ITGA11: variants seen among roughly 807,000 people sequenced by gnomAD.
ITGA11 encodes the protein integrin subunit alpha 11.
ITGA11 carries 97 observed loss-of-function variants against 141.9 expected under a neutral mutation model. That is an observed-to-expected ratio of 0.68 (90% CI 0.58 to 0.81). The LOEUF is 0.81. Among genes scored for constraint, ITGA11 ranks in the 30% least tolerant of loss-of-function variants. The probability of loss-of-function intolerance (pLI) is 0.00; values close to 1 mark genes in which losing one functional copy is unlikely to be tolerated. For synonymous variants in ITGA11, 658 were observed against 624.6 expected (o/e 1.05, Z -0.80); for missense variants, 1,387 against 1,559.2 (o/e 0.89, Z 1.86).
Position 68,325,008 on chromosome 15 carries a change from G to A in ITGA11, c.2322+123C>T. On this transcript the variant is annotated intron_variant, in intron 18 of 29. Coordinates refer to ENST00000315757, the MANE Select transcript of ITGA11 (RefSeq NM_001004439.2). This position sits in a 1 kb window ranked among gnomAD's most constrained non-coding sequence, Gnocchi z 5.5. ...CTGTGGGTTTGCCAGGACAGGAGGT[G>A]GGAAGGTGAGATGAGGGATGGTGTC... is the stretch of plus-strand genomic sequence containing the variant. 1 of 727,746 alleles carries A rather than the reference G, an allele frequency of 1.4e-6. No individual in the cohort carries two copies. Among genetic ancestry groups the A allele is most frequent in the East Asian group, 2.6e-5 (1 of 38,126 alleles). The allele number at this position is 727,746 out of a possible 1,614,324, so 45.1% of individuals were successfully genotyped here.
At chr15:68,347,660 T>G (rs1442399372) in intron 10 of ITGA11, among the ~76,000 whole-genome samples, 1 of 152,170 alleles carries the variant, frequency 6.6e-6, no homozygotes. Context: ...ACGGAGCAGC[T>G]GCTTGGTGTA....
intron 26 of ITGA11, among the ~76,000 whole-genome samples, chr15:68,310,275 T>TAA (rs1893338753): frequency 6.6e-6 from 1 of 152,122 alleles, no homozygotes; most frequent in East Asian, 1.9e-4. Context: ...AATTAGAATT[T>TAA]ATTAGGTGAA....
rs1897006965 is a variant in ITGA11, at chr15:68,421,019, C to A, written c.52+10996G>T. Among the ~76,000 whole-genome samples the A allele has an allele frequency of 2.2e-4, 2 of 8,972 alleles. 1 individual carries two copies. The highest frequency in any genetic ancestry group is 4.7e-4 in the Non-Finnish European group (2 of 4,280). The allele number at this position is 8,972 out of a possible 152,430, so 5.9% of individuals were successfully genotyped here. A position where few individuals can be genotyped will look rare whatever the true frequency, so the allele number is the denominator to read the frequency against. ...AGTAAACTGCCTGAGGTTTGGTGGG[C>A]AGGATGCCGGAGTGTGTGCTGTGAG... is the stretch of plus-strand genomic sequence containing the variant. On this transcript the variant is annotated intron_variant, in intron 1 of 29. Coordinates refer to ENST00000315757, the MANE Select transcript of ITGA11 (RefSeq NM_001004439.2).
In ITGA11 at chr15:68,307,610, G is replaced by A. The variant is rs1893243442; in HGVS notation, c.3261C>T (p.Asn1087=). The change falls in exon 27 of 30, where the codon AAC becomes AAT. Residue 1087 remains asparagine, a synonymous_variant. Coordinates refer to ENST00000315757, the MANE Select transcript of ITGA11 (RefSeq NM_001004439.2). The surrounding 1 kb of genome is among the most constrained non-coding windows in gnomAD (Gnocchi z 6.1). The stretch of plus-strand genomic sequence containing the variant: ...CTGCTTTTAGGGACCTCAACCACAG[G>A]TTCCCCAGTAGATGGAAATTGATTT... ...NQEINFHLLG[N]LWLRSLKALK... 4 of 1,613,278 alleles carry A rather than the reference G, an allele frequency of 2.5e-6. No homozygotes were observed. Among genetic ancestry groups the A allele is most frequent in the East Asian group, 4.5e-5 (2 of 44,878 alleles).
At chr15:68,362,420 T>G (rs1199624667) in intron 4 of ITGA11, among the ~76,000 whole-genome samples, 1 of 152,248 alleles carries the variant, frequency 6.6e-6, no homozygotes, top group African/African-American at 2.4e-5. Flanking sequence ...CTTTAATTAC[T>G]TTCTTTTTAA....
Position 68,325,041 on chromosome 15 carries a change from C to T in ITGA11, c.2322+90G>A. On this transcript the variant is annotated intron_variant, in intron 18 of 29. Transcript: ENST00000315757. This position sits in a 1 kb window ranked among gnomAD's most constrained non-coding sequence, Gnocchi z 5.5. Reference sequence around the variant, plus strand: ...GAGATGAGGGATGGTGTCCTCTGTACCCGGCACACTCAGGCTCTGGGCTTT... The same window carrying T: ...GAGATGAGGGATGGTGTCCTCTGTATCCGGCACACTCAGGCTCTGGGCTTT... The T allele has an allele frequency of 1.1e-6, 1 of 947,886 alleles. No individual in the cohort carries two copies. Among genetic ancestry groups the T allele is most frequent in the Non-Finnish European group, 1.7e-6 (1 of 579,920 alleles). 58.7% of individuals were successfully genotyped at this position (947,886 alleles called of 1,614,324 possible). A position where few individuals can be genotyped will look rare whatever the true frequency, so the allele number is the denominator to read the frequency against.
chr15:68,367,992 A>T (rs1386317756), intron 3 of ITGA11, among the ~76,000 whole-genome samples: 11 of 152,196 alleles, frequency 7.2e-5, no homozygotes, highest in Non-Finnish European at 1.5e-4. Context: ...GGCCCCGGCT[A>T]TGCTGGGTTT....
At chr15:68,317,226 C>G in intron 21 of ITGA11, 39 bp downstream of exon 21, 4 of 1,355,198 alleles carry the variant, frequency 3.0e-6, no homozygotes, top group Non-Finnish European at 4.2e-6. Context: ...CCTCCCAGTG[C>G]CCACCCTGAC....
intron 1 of ITGA11, among the ~76,000 whole-genome samples, chr15:68,413,689 G>A (rs1033577133): frequency 6.6e-6 from 1 of 152,228 alleles, no homozygotes; most frequent in Admixed American, 6.5e-5. Context: ...GACCCACCAC[G>A]GCACATGTCA....
intron 1 of ITGA11, among the ~76,000 whole-genome samples, chr15:68,431,415 C>A (rs1566948415): frequency 6.6e-6 from 1 of 152,220 alleles, no homozygotes. Context: ...TGTGTCCCGC[C>A]GCTGCTGGCC....
At chr15:68,381,167 T>C (rs1042309666) in intron 2 of ITGA11, among the ~76,000 whole-genome samples, 3 of 152,180 alleles carry the variant, frequency 2.0e-5, no homozygotes, top group African/African-American at 7.2e-5. Flanking sequence ...CCTGGGGATT[T>C]TGAAAATAGG....
At chr15:68,390,431 G>C (rs1161138781) in intron 2 of ITGA11, among the ~76,000 whole-genome samples, 2 of 152,148 alleles carry the variant, frequency 1.3e-5, no homozygotes, top group Non-Finnish European at 2.9e-5. Context: ...GGGCTGGGGA[G>C]TGATGTTCTT....
intron 1 of ITGA11, among the ~76,000 whole-genome samples, chr15:68,409,812 G>C (rs1242747672): frequency 6.6e-6 from 1 of 152,176 alleles, no homozygotes; most frequent in Non-Finnish European, 1.5e-5. Context: ...GAGGCACAAA[G>C]AAAGTCAGCA....
At chr15:68,337,888 G>A (rs1267610727) in intron 11 of ITGA11, among the ~76,000 whole-genome samples, 1 of 152,182 alleles carries the variant, frequency 6.6e-6, no homozygotes, top group African/African-American at 2.4e-5. Flanking sequence ...TTTCCCACAT[G>A]TTCCTCCTTT....
chr15:68,410,591 C>T (rs1003209459), intron 1 of ITGA11, among the ~76,000 whole-genome samples: 2 of 152,250 alleles, frequency 1.3e-5, no homozygotes, highest in African/African-American at 2.4e-5. Context: ...CTGGCTGTTT[C>T]GTATCCTCTG....
chr15:68,366,950 G>A (rs1895440145), intron 3 of ITGA11, among the ~76,000 whole-genome samples: 2 of 152,180 alleles, frequency 1.3e-5, no homozygotes. Context: ...CTGGCATCGT[G>A]CTGCCCAGTG....
rs150600246 is a variant in ITGA11, at chr15:68,419,284, G to C, written c.52+12731C>G. The stretch of plus-strand genomic sequence containing the variant: ...TGCAAAACGATCTCAAATGTCTACT[G>C]CTACTTTTAGGTCCTTAAAGGAGTC... On this transcript the variant is annotated intron_variant, in intron 1 of 29. Transcript: ENST00000315757. 8.2e-3 allele frequency among the ~76,000 whole-genome samples: 1,255 copies of C among 152,292 alleles called. 15 individuals are homozygous for C. The highest frequency in any genetic ancestry group is 0.028 in the African/African-American group (1,171 of 41,552).
At chr15:68,394,616 A>T (rs574480954) in intron 2 of ITGA11, among the ~76,000 whole-genome samples, 2 of 152,260 alleles carry the variant, frequency 1.3e-5, no homozygotes, top group South Asian at 2.1e-4. Context: ...GAAATCAGGG[A>T]TTCAATAGAG....
At chr15:68,371,669 G>A (rs1187337505) in intron 2 of ITGA11, among the ~76,000 whole-genome samples, 1 of 152,100 alleles carries the variant, frequency 6.6e-6, no homozygotes, top group African/African-American at 2.4e-5. Context: ...AGTGAGCCGA[G>A]ATCATGCCAC....
Sources: allele counts gnomAD v4.1 joint callset (sites outside exome capture counted in the v4.1 genomes callset), GRCh38; gene constraint gnomAD v4.1.1; non-coding constraint Gnocchi (gnomAD v3.1); transcripts MANE v1.5; gene names NCBI Gene and HGNC (gene_info 2026-07-23, HGNC 2026-07-21).